CMSS1: variants seen among roughly 807,000 people sequenced by gnomAD.
The protein encoded by CMSS1 is protein CMSS1.
Under a neutral mutation model 43.5 loss-of-function variants are expected in CMSS1, and 33 were observed. That is an observed-to-expected ratio of 0.76 (90% CI 0.57 to 1.01). The LOEUF is 1.01. CMSS1 is among the 50% of genes least tolerant of loss of function. The pLI, the probability that CMSS1 is intolerant of heterozygous loss-of-function variation, is 0.00. For synonymous variants in CMSS1, 115 were observed against 117.2 expected, an observed-to-expected ratio of 0.98 and a Z score of 0.12; for missense variants, 313 against 326.4, an observed-to-expected ratio of 0.96 and a Z score of 0.32.
In CMSS1 at chr3:99,864,028, G is replaced by C. The variant is rs143058838; in HGVS notation, c.64+45985G>C. Among the ~76,000 whole-genome samples the C allele has an allele frequency of 1.7e-3, 256 of 152,286 alleles. 1 individual carries two copies. Among genetic ancestry groups the C allele is most frequent in the Non-Finnish European group, 2.9e-3 (194 of 68,016 alleles). On this transcript the variant is annotated intron_variant, in intron 1 of 9. Transcript: ENST00000421999. Reference sequence around the variant, plus strand: ...GCTAAATACATCTTTACAACTTCATGCTAAAGAAATTAAACTTTGTAGGAT... The same window carrying C: ...GCTAAATACATCTTTACAACTTCATCCTAAAGAAATTAAACTTTGTAGGAT...
chr3:100,042,885 C>T (rs180884837), intron 1 of CMSS1, among the ~76,000 whole-genome samples: 9 of 152,314 alleles, frequency 5.9e-5, no homozygotes, highest in Admixed American at 2.6e-4. Context: ...AGCCAAAGTT[C>T]CCAGACCTTG....
At chr3:100,012,622 T>C (rs1710191063) in intron 1 of CMSS1, among the ~76,000 whole-genome samples, 1 of 152,092 alleles carries the variant, frequency 6.6e-6, no homozygotes, top group African/African-American at 2.4e-5. Context: ...GCCTAATTAT[T>C]TCATAGACTC....
chr3:99,968,491 G>C (rs1169346156), intron 1 of CMSS1, among the ~76,000 whole-genome samples: 3 of 152,022 alleles, frequency 2.0e-5, no homozygotes, highest in Non-Finnish European at 4.4e-5. Context: ...GGCTATCCAG[G>C]TAAATAAACA....
chr3:100,154,731 G>C (rs2107521900), intron 2 of CMSS1, among the ~76,000 whole-genome samples: 1 of 152,244 alleles, frequency 6.6e-6, no homozygotes, highest in Non-Finnish European at 1.5e-5. Context: ...CCAGCACTTT[G>C]GGAGGCTGAG....
intron 1 of CMSS1, among the ~76,000 whole-genome samples, chr3:99,966,737 G>T (rs1330806137): frequency 6.6e-6 from 1 of 152,198 alleles, no homozygotes; most frequent in African/African-American, 2.4e-5. Flanking sequence ...TGTCAGATTT[G>T]AAAAATCATT....
At position 99,900,535 on chromosome 3, in the gene CMSS1, G is replaced by A. The variant is rs1706401799; in HGVS notation, c.64+82492G>A. Among the ~76,000 whole-genome samples the A allele has an allele frequency of 3.3e-5, 5 of 152,178 alleles. No homozygotes were observed. The South Asian group carries it at 1.0e-3, about 31-fold the overall frequency. ...ATAGACAAGATTTCAAACCAAGGAA[G>A]TTTGGCCCCAAATGCCATACCTTTA... On this transcript the variant is annotated intron_variant, in intron 1 of 9. Coordinates refer to ENST00000421999, the MANE Select transcript of CMSS1 (RefSeq NM_032359.4).
At position 100,180,371 on chromosome 3, in the gene CMSS1, T is replaced by A. The variant is rs1277826555; in HGVS notation, c.*1983T>A. Reference sequence around the variant, plus strand: ...ATTTTCAAGCTTTTATACTCTGCTTTGCTTTTAAATATAAGTTATCTCTGC... The same window carrying A: ...ATTTTCAAGCTTTTATACTCTGCTTAGCTTTTAAATATAAGTTATCTCTGC... On this transcript the variant is annotated 3_prime_UTR_variant, in exon 10 of 10. Coordinates refer to ENST00000421999, the MANE Select transcript of CMSS1 (RefSeq NM_032359.4). 1 of 152,258 alleles carries A rather than the reference T, an allele frequency of 6.6e-6. No individual in the cohort carries two copies. Among genetic ancestry groups the A allele is most frequent in the Non-Finnish European group, 1.5e-5 (1 of 68,044 alleles). The allele number at this position is 152,258 out of a possible 1,614,324, so 9.4% of individuals were successfully genotyped here.
intron 1 of CMSS1, chr3:99,849,991 T>A: frequency 6.2e-7 from 1 of 1,610,740 alleles, no homozygotes; most frequent in Non-Finnish European, 8.5e-7. Flanking sequence ...ATCTCTCTCC[T>A]TGGTTACGCT....
chr3:100,097,380 A>T (rs1004990626), intron 1 of CMSS1, among the ~76,000 whole-genome samples: 2 of 152,220 alleles, frequency 1.3e-5, no homozygotes, highest in Non-Finnish European at 2.9e-5. Flanking sequence ...CATGGATTAT[A>T]TGCAAATACT....
chr3:100,088,544 T>G (rs948886954), intron 1 of CMSS1, among the ~76,000 whole-genome samples: 3 of 152,184 alleles, frequency 2.0e-5, no homozygotes, highest in African/African-American at 7.2e-5. Context: ...TAATAATTCA[T>G]AATAAATTGC....
intron 2 of CMSS1, among the ~76,000 whole-genome samples, chr3:100,150,717 C>T (rs1159929532): frequency 6.6e-6 from 1 of 152,076 alleles, no homozygotes; most frequent in Non-Finnish European, 1.5e-5. Context: ...AAAGATTTGC[C>T]AATAGTTCTT....
intron 1 of CMSS1, among the ~76,000 whole-genome samples, chr3:100,030,348 G>A (rs990584831): frequency 1.3e-5 from 2 of 152,116 alleles, no homozygotes; most frequent in African/African-American, 2.4e-5. Flanking sequence ...CCTGGCATGC[G>A]TGTTGGTTTT....
chr3:100,109,893 T>A (rs2066458999), intron 1 of CMSS1: 2 of 148,394 alleles, frequency 1.3e-5, no homozygotes, highest in Admixed American at 1.3e-4. Flanking sequence ...CTGCAAATGT[T>A]TCTTTTATGA....
intron 1 of CMSS1, among the ~76,000 whole-genome samples, chr3:99,985,505 C>A (rs937418465): frequency 3.9e-5 from 6 of 152,068 alleles, no homozygotes; most frequent in African/African-American, 1.4e-4. Context: ...CTCAAAAAAA[C>A]AAGGTGAGCT....
chr3:100,174,075 A>C (rs2067130363), intron 8 of CMSS1, among the ~76,000 whole-genome samples: 1 of 152,246 alleles, frequency 6.6e-6, no homozygotes, highest in African/African-American at 2.4e-5. Flanking sequence ...CGTGGGCTCT[A>C]GTAGCAGCTG....
At chr3:100,056,900 A>C (rs968453062) in intron 1 of CMSS1, among the ~76,000 whole-genome samples, 1 of 152,086 alleles carries the variant, frequency 6.6e-6, no homozygotes, top group Non-Finnish European at 1.5e-5. Flanking sequence ...GCTACTCGGG[A>C]GGCTGAGGCA....
chr3:100,010,149 G>A, intron 1 of CMSS1: 1 of 973,622 alleles, frequency 1.0e-6, no homozygotes, highest in Non-Finnish European at 1.2e-6. Flanking sequence ...TCTGATTGGA[G>A]CCACATTTCA....
chr3:100,054,085 G>T (rs1224811572), intron 1 of CMSS1, among the ~76,000 whole-genome samples: 1 of 152,152 alleles, frequency 6.6e-6, no homozygotes, highest in African/African-American at 2.4e-5. Flanking sequence ...AGCTTCCCTA[G>T]TATTGTAAAA....
rs720689 is a variant in CMSS1 at position 100,161,722 on chromosome 3, C to T, written c.226-581C>T. On this transcript the variant is annotated intron_variant, in intron 3 of 9. Transcript: ENST00000421999. ...TACACAAATGAGTCCAAATCAAAAT[C>T]GATGTTGGAAAGTATTTCCTGTAAT... Among the ~76,000 whole-genome samples, 47 of 152,236 alleles carry T rather than the reference C, an allele frequency of 3.1e-4. 1 individual carries two copies. The East Asian group carries it at 6.2e-3, about 20-fold the overall frequency.
Sources: gnomAD v4.1 joint callset for allele counts (sites outside exome capture counted in the v4.1 genomes callset) on GRCh38, gnomAD v4.1.1 for gene constraint, MANE v1.5 for transcripts, NCBI Gene and HGNC (gene_info 2026-07-23, HGNC 2026-07-21) for gene names.